Variants in RBM33 observed in about 807,000 individuals in gnomAD.
RBM33 encodes RNA-binding protein 33.
Under a neutral mutation model 132.6 loss-of-function variants are expected in RBM33, and 28 were observed. That is an observed-to-expected ratio of 0.21 (90% CI 0.16 to 0.29). RBM33 has a LOEUF of 0.29. Ranked by LOEUF, RBM33 falls within the 10% of genes least tolerant of loss-of-function variation. RBM33 has a pLI of 1.00. For missense variants in RBM33, 1,291 were observed against 1,518.5 expected (o/e 0.85, Z 2.49); for synonymous variants, 634 against 593.0 (o/e 1.07, Z -1.01).
chr7:155,673,463 T>A, intron 3 of RBM33, among the ~76,000 whole-genome samples: 1 of 149,946 alleles, frequency 6.7e-6, no homozygotes. Flanking sequence ...TACCCACATA[T>A]ATATATACAT....
intron 5 of RBM33, among the ~76,000 whole-genome samples, chr7:155,689,544 A>G (rs1052135372): frequency 1.3e-5 from 2 of 151,502 alleles, no homozygotes; most frequent in African/African-American, 4.9e-5. Context: ...TTGCTTCTCA[A>G]GTTCTTTTAA....
intron 5 of RBM33, among the ~76,000 whole-genome samples, chr7:155,686,187 C>T (rs189563892): frequency 3.9e-5 from 6 of 152,290 alleles, no homozygotes; most frequent in Admixed American, 2.6e-4. Context: ...AGAACTAAGA[C>T]AAAGCTAAAG....
At chr7:155,676,557 T>A (rs1447443018) in intron 3 of RBM33, among the ~76,000 whole-genome samples, 1 of 152,222 alleles carries the variant, frequency 6.6e-6, no homozygotes, top group Non-Finnish European at 1.5e-5. Flanking sequence ...TCTTTCATAC[T>A]TGTTTCTCTC....
chr7:155,724,993 TG>T (rs60770372), intron 9 of RBM33, among the ~76,000 whole-genome samples: 3,679 of 94,912 alleles, frequency 0.039, 144 homozygotes, highest in African/African-American at 0.099. Context: ...TACAGGTTTG[TG>T]TGTGTGTGTG....
rs1201797027 is a variant in RBM33 at position 155,778,570 on chromosome 7, G to T, written c.*3529G>T. On this transcript the variant is annotated 3_prime_UTR_variant, in exon 18 of 18. Coordinates refer to ENST00000401878, the MANE Select transcript of RBM33 (RefSeq NM_053043.3). The surrounding 1 kb of genome is among the most constrained non-coding windows in gnomAD (Gnocchi z 4.0). ...GAGAGCCCTTGGGCCAGGGTGTTTG[G>T]CGGCACAGGGGCATCCGCTGGATGG... 1 of 152,312 alleles carries T rather than the reference G, an allele frequency of 6.6e-6. No individual in the cohort carries two copies. Among genetic ancestry groups the T allele is most frequent in the Admixed American group, 6.5e-5 (1 of 15,274 alleles). The allele number at this position is 152,312 out of a possible 1,614,324, so 9.4% of individuals were successfully genotyped here. A position where few individuals can be genotyped will look rare whatever the true frequency, so the allele number is the denominator to read the frequency against.
chr7:155,657,065 C>T (rs2116876612), intron 1 of RBM33, among the ~76,000 whole-genome samples: 1 of 151,760 alleles, frequency 6.6e-6, no homozygotes. Context: ...GGTTTCATGA[C>T]TCTTCATTTG....
chr7:155,705,455 T>C (rs1343692625), intron 6 of RBM33, among the ~76,000 whole-genome samples: 1 of 152,184 alleles, frequency 6.6e-6, no homozygotes, highest in Non-Finnish European at 1.5e-5. Context: ...TTCTTTCAAA[T>C]GGGGTCTAGT....
At chr7:155,674,786 G>T (rs1422379264) in intron 3 of RBM33, among the ~76,000 whole-genome samples, 2 of 152,196 alleles carry the variant, frequency 1.3e-5, no homozygotes, top group East Asian at 1.9e-4. Context: ...CAGTGGAGGG[G>T]CTGTATCTGC....
intron 7 of RBM33, among the ~76,000 whole-genome samples, chr7:155,709,541 C>T (rs1800216632): frequency 1.3e-5 from 2 of 152,198 alleles, no homozygotes; most frequent in Non-Finnish European, 2.9e-5. Context: ...CCCTGTACCT[C>T]TCCAGACACA....
intron 5 of RBM33, among the ~76,000 whole-genome samples, chr7:155,694,086 C>T (rs924757471): frequency 5.3e-5 from 8 of 152,040 alleles, no homozygotes; most frequent in African/African-American, 1.4e-4. Flanking sequence ...AAGGGTGTTG[C>T]GGTTTTCCAG....
At chr7:155,740,297 A>G (rs1381771853) in intron 12 of RBM33, among the ~76,000 whole-genome samples, 2 of 152,234 alleles carry the variant, frequency 1.3e-5, no homozygotes, top group African/African-American at 2.4e-5. Context: ...AGATATTTCT[A>G]TAGCAATAGA....
At chr7:155,769,232 T>G (rs539960656) in intron 16 of RBM33, among the ~76,000 whole-genome samples, 7 of 152,098 alleles carry the variant, frequency 4.6e-5, no homozygotes, top group Admixed American at 1.3e-4. Context: ...TGTCTACTCA[T>G]AAACCACATA....
chr7:155,736,560 C>T (rs1304457927), intron 9 of RBM33, among the ~76,000 whole-genome samples: 1 of 152,122 alleles, frequency 6.6e-6, no homozygotes, highest in Non-Finnish European at 1.5e-5. Context: ...GTTCTAGTAA[C>T]ATGTAGTTTT....
At chr7:155,756,316 A>G (rs1801849439) in intron 14 of RBM33, among the ~76,000 whole-genome samples, 1 of 152,250 alleles carries the variant, frequency 6.6e-6, no homozygotes, top group African/African-American at 2.4e-5. Context: ...AGACTTATAA[A>G]TAAATGGGTA....
intron 6 of RBM33, 27 bp from the exon 7 acceptor site, chr7:155,706,833 C>CT: frequency 6.4e-7 from 1 of 1,562,934 alleles, no homozygotes; most frequent in Non-Finnish European, 8.7e-7. Flanking sequence ...CGGAAAGTAA[C>CT]TAACACATAC....
At chr7:155,657,877 T>G (rs1397331629) in intron 1 of RBM33, among the ~76,000 whole-genome samples, 2 of 152,348 alleles carry the variant, frequency 1.3e-5, no homozygotes, top group Non-Finnish European at 1.5e-5. Flanking sequence ...TTAAGAACTA[T>G]TTTTTGGCCT....
At chr7:155,721,030 A>G (rs558790333) in intron 9 of RBM33, among the ~76,000 whole-genome samples, 24 of 152,314 alleles carry the variant, frequency 1.6e-4, no homozygotes, top group African/African-American at 5.8e-4. Context: ...GAAATTTGCA[A>G]TTGAGCAAAT....
intron 9 of RBM33, among the ~76,000 whole-genome samples, chr7:155,731,259 A>T (rs894566367): frequency 2.6e-5 from 4 of 152,238 alleles, no homozygotes; most frequent in Non-Finnish European, 4.4e-5. Flanking sequence ...GTCCTGCTGC[A>T]GCAGCCGCAT....
At chr7:155,680,285 G>A (rs780212389) in intron 4 of RBM33, among the ~76,000 whole-genome samples, 1 of 152,162 alleles carries the variant, frequency 6.6e-6, no homozygotes, top group African/African-American at 2.4e-5. Context: ...TGTTTCATCT[G>A]TGGTTGATTT....
Sources: gnomAD v4.1 joint callset for allele counts (sites outside exome capture counted in the v4.1 genomes callset) on GRCh38, gnomAD v4.1.1 for gene constraint, Gnocchi (gnomAD v3.1) non-coding constraint, MANE v1.5 for transcripts, NCBI Gene and HGNC (gene_info 2026-07-23, HGNC 2026-07-21) for gene names.